GPR55: variants seen among roughly 807,000 people sequenced by gnomAD.
The protein encoded by GPR55 is G protein-coupled receptor 55.
In GPR55, 6 loss-of-function variants were observed where a neutral mutation model predicts 7.9. That is an observed-to-expected ratio of 0.76 (90% confidence interval 0.41 to 1.49). The LOEUF (loss-of-function observed/expected upper bound fraction) is 1.49, where lower values mean the gene tolerates loss of function less well. GPR55 is among the 40% of genes most tolerant of loss of function. The probability of loss-of-function intolerance (pLI) is 0.01; values close to 1 mark genes in which losing one functional copy is unlikely to be tolerated. For synonymous variants in GPR55, 183 were observed against 166.8 expected (o/e 1.10, Z -0.75); for missense variants, 376 against 406.0 (o/e 0.93, Z 0.63).
intron 1 of GPR55, among the ~76,000 whole-genome samples, chr2:230,921,663 A>C (rs1161169175): frequency 6.6e-6 from 1 of 152,204 alleles, no homozygotes. Flanking sequence ...GGAATTCCTA[A>C]GTGTTCTTTT....
intron 1 of GPR55, among the ~76,000 whole-genome samples, chr2:230,950,974 C>A (rs1317245968): frequency 6.6e-6 from 1 of 152,194 alleles, no homozygotes; most frequent in East Asian, 1.9e-4. Context: ...TTCCTGGAAG[C>A]TCCATGCCCC....
At chr2:230,916,284 A>G (rs1574620344) in intron 1 of GPR55, among the ~76,000 whole-genome samples, 1 of 151,540 alleles carries the variant, frequency 6.6e-6, no homozygotes, top group East Asian at 1.9e-4. Flanking sequence ...ACTATTTGGC[A>G]GGCTGTGTGG....
At chr2:230,941,333 T>A (rs563413605) in intron 1 of GPR55, among the ~76,000 whole-genome samples, 15 of 152,252 alleles carry the variant, frequency 9.9e-5, no homozygotes, top group African/African-American at 2.9e-4. Context: ...GGCCCTTTGC[T>A]GGAAGAAAGA....
chr2:230,917,190 G>A (rs1437579626), intron 1 of GPR55, among the ~76,000 whole-genome samples: 1 of 152,130 alleles, frequency 6.6e-6, no homozygotes, highest in East Asian at 1.9e-4. Flanking sequence ...AGTACATCAG[G>A]TACAATTCTT....
chr2:230,944,279 G>A lies in GPR55; in HGVS notation c.-135+16496C>T, dbSNP rs936612565. Among the ~76,000 whole-genome samples the A allele has an allele frequency of 1.3e-5, 2 of 152,352 alleles. No individual in the cohort carries two copies. Among genetic ancestry groups the A allele is most frequent in the African/African-American group, 4.8e-5 (2 of 41,582 alleles). On this transcript the variant is annotated intron_variant, in intron 1 of 1. Coordinates refer to the GPR55 transcript ENST00000392039. This position sits in a 1 kb window ranked among gnomAD's most constrained non-coding sequence, Gnocchi z 4.2. ...CCCTCCAACGTGTGCCCACATGACT[G>A]TCCCGGGGGCTTCCATGAGCTTGAT...
At chr2:230,945,449 A>G (rs1170928975) in intron 1 of GPR55, among the ~76,000 whole-genome samples, 5 of 152,234 alleles carry the variant, frequency 3.3e-5, no homozygotes, top group African/African-American at 1.2e-4. Context: ...ACTTGGAAAG[A>G]ATGCAACCCG....
intron 1 of GPR55, among the ~76,000 whole-genome samples, chr2:230,949,399 C>T (rs940624750): frequency 1.3e-5 from 2 of 152,164 alleles, no homozygotes; most frequent in Non-Finnish European, 2.9e-5. Flanking sequence ...CCTGAACTTG[C>T]GATCTGCCCG....
At chr2:230,934,155 A>C (rs1574629693) in intron 1 of GPR55, among the ~76,000 whole-genome samples, 1 of 151,506 alleles carries the variant, frequency 6.6e-6, no homozygotes, top group African/African-American at 2.4e-5. Flanking sequence ...ATTTGGAGAG[A>C]CCCCTCCCTG....
intron 1 of GPR55, among the ~76,000 whole-genome samples, chr2:230,948,473 G>A (rs749510811): frequency 2.0e-5 from 3 of 152,106 alleles, no homozygotes; most frequent in Non-Finnish European, 2.9e-5. Flanking sequence ...AAAAAGAGAA[G>A]GAAAAATTCT....
intron 1 of GPR55, among the ~76,000 whole-genome samples, chr2:230,943,986 A>C (rs370374529): frequency 1.3e-5 from 2 of 152,210 alleles, no homozygotes; most frequent in African/African-American, 4.8e-5. Context: ...GCAACATAAG[A>C]ATGGCCTAAC....
rs141499516 is a variant in GPR55, at chr2:230,914,247, A to G, written c.-134-3151T>C. ...ACCTCAGGTGCTGGGATGAGTCTCCATTGACAGTAGCAGGTATATTCATAG... is the reference window on the plus strand; with the variant it reads ...ACCTCAGGTGCTGGGATGAGTCTCCGTTGACAGTAGCAGGTATATTCATAG... On this transcript the variant is annotated intron_variant, in intron 1 of 1. Transcript: ENST00000650999. Among the ~76,000 whole-genome samples, 5 of 152,340 alleles carry G rather than the reference A, an allele frequency of 3.3e-5. No homozygotes were observed. In the East Asian group the frequency reaches 9.6e-4, roughly 29 times the overall value.
chr2:230,947,008 T>C (rs1691328790), intron 1 of GPR55, among the ~76,000 whole-genome samples: 1 of 152,208 alleles, frequency 6.6e-6, no homozygotes, highest in Non-Finnish European at 1.5e-5. Flanking sequence ...ACTAACCCTA[T>C]TGCTCATTTC....
chr2:230,922,890 G>C (rs1369355674), intron 1 of GPR55, among the ~76,000 whole-genome samples: 1 of 151,888 alleles, frequency 6.6e-6, no homozygotes, highest in African/African-American at 2.4e-5. Flanking sequence ...TTTTTGTAGA[G>C]ACAAGGTCTT....
Position 230,910,639 on chromosome 2 carries a change from G to A in GPR55, c.324C>T (p.Ser108=), listed in dbSNP as rs1371870615. The change falls in exon 2 of 2, where the codon AGC becomes AGT. Residue 108 remains serine (S), a synonymous_variant. Coordinates refer to ENST00000650999, the MANE Select transcript of GPR55 (RefSeq NM_005683.4). The surrounding 1 kb of genome is among the most constrained non-coding windows in gnomAD (Gnocchi z 5.4). ...ECLYFVSMYG[S]VFTICFISMD... The stretch of plus-strand genomic sequence containing the variant: ...TGCTGATGAAGCAGATGGTGAAGAC[G>A]CTTCCGTACATGCTGACGAAGTAAA... 4 of 1,613,876 alleles carry A rather than the reference G, an allele frequency of 2.5e-6. No individual in the cohort carries two copies. The highest frequency in any genetic ancestry group is 1.1e-5 in the South Asian group (1 of 91,076).
Position 230,950,420 on chromosome 2 carries a change from T to C in GPR55, c.-135+10355A>G, listed in dbSNP as rs1574636045. Among the ~76,000 whole-genome samples the C allele has an allele frequency of 3.9e-5, 6 of 152,272 alleles. No homozygotes were observed. The South Asian group carries it at 1.2e-3, about 32-fold the overall frequency. On this transcript the variant is annotated intron_variant, in intron 1 of 1. Transcript: ENST00000392039. ...TCTCTTCTTGCCACTTTTATTTTCT[T>C]CTCATCTTCTCTTTCCCCTCTTTTT...
chr2:230,942,011 C>T (rs1561327), intron 1 of GPR55, among the ~76,000 whole-genome samples: 2,272 of 152,206 alleles, frequency 0.015, 55 homozygotes, highest in African/African-American at 0.051. Flanking sequence ...GCCTGATGCC[C>T]GGGGTAGTGG....
chr2:230,925,545 T>A (rs182600416), upstream of GPR55, among the ~76,000 whole-genome samples: 29 of 151,994 alleles, frequency 1.9e-4, no homozygotes, highest in African/African-American at 6.8e-4. Flanking sequence ...CTGGGAAGCC[T>A]CTGGAGGAGG....
At chr2:230,943,713 C>T (rs901017174) in intron 1 of GPR55, among the ~76,000 whole-genome samples, 1 of 151,672 alleles carries the variant, frequency 6.6e-6, no homozygotes, top group Admixed American at 6.5e-5. Context: ...GCGCCCTCCC[C>T]TTGGTGCTGT....
chr2:230,933,265 G>A (rs1244066343), intron 1 of GPR55, among the ~76,000 whole-genome samples: 2 of 152,016 alleles, frequency 1.3e-5, no homozygotes, highest in Non-Finnish European at 2.9e-5. Flanking sequence ...TTCCCTTCTG[G>A]CCTTTCTCTG....
Sources: gnomAD v4.1 joint callset for allele counts (sites outside exome capture counted in the v4.1 genomes callset) on GRCh38, gnomAD v4.1.1 for gene constraint, Gnocchi (gnomAD v3.1) non-coding constraint, MANE v1.5 for transcripts, NCBI Gene and HGNC (gene_info 2026-07-23, HGNC 2026-07-21) for gene names.